The following SLC1A7 variants were observed in gnomAD, a reference collection of about 807,000 sequenced individuals.
The protein encoded by SLC1A7 is solute carrier family 1 member 7, also known as excitatory amino acid transporter 5.
SLC1A7 carries 40 observed loss-of-function variants against 47.7 expected under a neutral mutation model. The observed-to-expected ratio is 0.84, with a 90% confidence interval of 0.65 to 1.09. The LOEUF is 1.09. Among genes scored for constraint, SLC1A7 ranks in the 50% least tolerant of loss-of-function variants. SLC1A7 has a pLI of 0.00. For missense variants in SLC1A7, 746 were observed against 769.5 expected, an observed-to-expected ratio of 0.97 and a Z score of 0.36; for synonymous variants, 323 against 325.6, an observed-to-expected ratio of 0.99 and a Z score of 0.09.
rs1644370390 is a variant in SLC1A7 at position 53,087,254 on chromosome 1, C to T, written c.*755G>A. 1 of 152,390 alleles carries T rather than the reference C, an allele frequency of 6.6e-6. No individual in the cohort carries two copies. The highest frequency in any genetic ancestry group is 2.1e-4 in the South Asian group (1 of 4,820). The allele number at this position is 152,390 out of a possible 1,614,324, so 9.4% of individuals were successfully genotyped here. ...CAGAAAGGAATAGAAAACCTGACTC[C>T]ACTTGGACGCACAGGCCTTTGGGGA... On this transcript the variant is annotated 3_prime_UTR_variant, in exon 11 of 11. Transcript: ENST00000371494.
intron 2 of SLC1A7, among the ~76,000 whole-genome samples, chr1:53,116,391 T>C (rs1362885287): frequency 6.6e-6 from 1 of 152,206 alleles, no homozygotes; most frequent in East Asian, 1.9e-4. Flanking sequence ...CCTCCAGGGT[T>C]GGGCCAGGTT....
intron 5 of SLC1A7, among the ~76,000 whole-genome samples, chr1:53,099,533 C>T (rs1046896922): frequency 2.6e-5 from 4 of 151,026 alleles, no homozygotes; most frequent in Non-Finnish European, 5.9e-5. Flanking sequence ...TACACTCACA[C>T]ACCCCACCAC....
intron 10 of SLC1A7, 118 bp downstream of exon 10, chr1:53,088,759 G>A: frequency 1.3e-6 from 1 of 741,474 alleles, no homozygotes; most frequent in Non-Finnish European, 2.4e-6. Flanking sequence ...CCGAGGCCCA[G>A]AGGCATGGAG....
At chr1:53,100,925 CCACTCACACACCCTGCACCGGTA>C (rs1332535661) in intron 5 of SLC1A7, among the ~76,000 whole-genome samples, 2 of 144,962 alleles carry the variant, frequency 1.4e-5, no homozygotes, top group African/African-American at 5.1e-5. Context: ...CCACCTCAGT[CCACTCACACACCCTGCACCGGTA>C]CACTCCCACA....
intron 2 of SLC1A7, 152 bp from the exon 3 acceptor site, chr1:53,115,125 A>G: frequency 1.5e-6 from 1 of 649,796 alleles, no homozygotes; most frequent in South Asian, 1.8e-5. Context: ...TGCTCCTTCC[A>G]GCCTCTCTTT....
intron 5 of SLC1A7, 56 bp downstream of exon 5, chr1:53,103,290 G>C: frequency 7.5e-7 from 1 of 1,330,248 alleles, no homozygotes; most frequent in South Asian, 1.4e-5. Context: ...GCAGGCTGCT[G>C]GGAGGGGCTG....
intron 9 of SLC1A7, 85 bp from the exon 10 acceptor site, chr1:53,089,064 C>T (rs58600784): frequency 0.062 from 66,178 of 1,071,358 alleles, 6,766 homozygotes; most frequent in African/African-American, 0.33. Context: ...CAGTACAGCA[C>T]GGCCGGTGAC....
intron 3 of SLC1A7, chr1:53,108,124 G>A (rs1482864435): frequency 5.8e-6 from 1 of 171,882 alleles, no homozygotes; most frequent in Non-Finnish European, 1.3e-5. Flanking sequence ...AGTGTGTCTT[G>A]TGAGAAATGC....
intron 1 of SLC1A7, among the ~76,000 whole-genome samples, chr1:53,136,634 TATAAAAACA>T (rs1299925038): frequency 0.037 from 4,992 of 134,048 alleles, 206 homozygotes; most frequent in African/African-American, 0.045. Context: ...ATATATAATA[TATAAAAACA>T]TATATATATT....
chr1:53,109,966 A>G (rs1278815099), intron 3 of SLC1A7, among the ~76,000 whole-genome samples: 5 of 152,094 alleles, frequency 3.3e-5, no homozygotes, highest in African/African-American at 4.8e-5. Flanking sequence ...GCCTCTGCTC[A>G]CCTTCTGTCC....
chr1:53,090,418 C>A, intron 8 of SLC1A7, 194 bp downstream of exon 8: 1 of 881,540 alleles, frequency 1.1e-6, no homozygotes, highest in South Asian at 1.9e-5. Context: ...GGCCTCCGCT[C>A]GCCCTGTGGC....
chr1:53,119,136 A>G (rs1476601036), intron 2 of SLC1A7, among the ~76,000 whole-genome samples: 1 of 152,204 alleles, frequency 6.6e-6, no homozygotes, highest in Non-Finnish European at 1.5e-5. Context: ...AGCCCAATAC[A>G]ATAGTTCTGA....
At position 53,103,586 on chromosome 1, in the gene SLC1A7, A is replaced by C. The variant is rs1260532243; in HGVS notation, c.475-18T>G. ...GTGCGGTACTGGTGGGTGACACCCC[A>C]CCCAGAGAGAAGTCAGGGCCAAGGG... On this transcript the variant is annotated intron_variant, in intron 4 of 10. Coordinates refer to ENST00000371494, the MANE Select transcript of SLC1A7 (RefSeq NM_006671.6). The C allele has an allele frequency of 1.3e-6, 2 of 1,503,496 alleles. No individual in the cohort carries two copies. Among genetic ancestry groups the C allele is most frequent in the Non-Finnish European group, 9.0e-7 (1 of 1,111,292 alleles). 93.1% of individuals were successfully genotyped at this position (1,503,496 alleles called of 1,614,324 possible).
chr1:53,096,172 G>A (rs768663527), intron 5 of SLC1A7, among the ~76,000 whole-genome samples: 11 of 137,160 alleles, frequency 8.0e-5, no homozygotes, highest in Non-Finnish European at 1.7e-4. Flanking sequence ...ACACCACCTC[G>A]GTACACCCAC....
At chr1:53,109,428 G>A (rs773329953) in intron 3 of SLC1A7, among the ~76,000 whole-genome samples, 3 of 152,184 alleles carry the variant, frequency 2.0e-5, no homozygotes, top group East Asian at 1.9e-4. Context: ...GTGAGCAGGC[G>A]CCAGCCTTCT....
At chr1:53,140,478 C>A (rs941324393) in intron 1 of SLC1A7, among the ~76,000 whole-genome samples, 11 of 148,446 alleles carry the variant, frequency 7.4e-5, no homozygotes, top group African/African-American at 2.3e-4. Flanking sequence ...AAAAAAAAAA[C>A]AAACCCATAT....
intron 3 of SLC1A7, chr1:53,114,554 C>G (rs1644734739): frequency 1.7e-6 from 1 of 592,846 alleles, no homozygotes; most frequent in Admixed American, 2.9e-5. Flanking sequence ...GGGGCAGACC[C>G]CGTCCAGGCT....
At chr1:53,113,885 C>A (rs1189411572) in intron 3 of SLC1A7, among the ~76,000 whole-genome samples, 1 of 152,230 alleles carries the variant, frequency 6.6e-6, no homozygotes, top group East Asian at 1.9e-4. Flanking sequence ...CGGTTCCCTG[C>A]AGCTCAGGAC....
rs747734846 is a variant in SLC1A7, at chr1:53,089,942, G to A, written c.1227-8C>T. 1.3e-5 allele frequency: 21 copies of A among 1,612,668 alleles called. No homozygotes were observed. Among genetic ancestry groups the A allele is most frequent in the Non-Finnish European group, 1.6e-5 (19 of 1,179,614 alleles). ...GCTGCAGTGGCTGTGATACTGCAGGGGGTGGGAAGGGGAAGAGGAGCAGCA... is the reference window on the plus strand; with the variant it reads ...GCTGCAGTGGCTGTGATACTGCAGGAGGTGGGAAGGGGAAGAGGAGCAGCA... On this transcript the variant is annotated splice_polypyrimidine_tract_variant and splice_region_variant and intron_variant, in intron 8 of 10. Coordinates refer to ENST00000371494, the MANE Select transcript of SLC1A7 (RefSeq NM_006671.6).
Sources: gnomAD v4.1 joint callset for allele counts (sites outside exome capture counted in the v4.1 genomes callset) on GRCh38, gnomAD v4.1.1 for gene constraint, MANE v1.5 for transcripts, NCBI Gene and HGNC (gene_info 2026-07-23, HGNC 2026-07-21) for gene names.